CDH13: variants seen among roughly 807,000 people sequenced by gnomAD.
CDH13 encodes the protein cadherin-13.
In CDH13, 24 loss-of-function variants were observed where a neutral mutation model predicts 63.8. That is an observed-to-expected ratio of 0.38 (90% confidence interval 0.27 to 0.53). CDH13 has a LOEUF of 0.53. Ranked by LOEUF, CDH13 falls within the 20% of genes least tolerant of loss-of-function variation. The probability of loss-of-function intolerance (pLI) is 0.85; values close to 1 mark genes in which losing one functional copy is unlikely to be tolerated. For synonymous variants in CDH13, 503 were observed against 355.3 expected (o/e 1.42, Z -4.67); for missense variants, 1,049 against 903.1 (o/e 1.16, Z -2.07).
At chr16:83,189,004 C>A (rs1018027114) in intron 4 of CDH13, among the ~76,000 whole-genome samples, 1 of 152,168 alleles carries the variant, frequency 6.6e-6, no homozygotes, top group African/African-American at 2.4e-5. Context: ...TCACTGACAT[C>A]TACTCATCCT....
At chr16:83,114,875 G>A (rs979493770) in intron 3 of CDH13, among the ~76,000 whole-genome samples, 1 of 152,206 alleles carries the variant, frequency 6.6e-6, no homozygotes, top group Non-Finnish European at 1.5e-5. Flanking sequence ...GCACAGAACT[G>A]TCCTCCTAGC....
chr16:83,239,008 A>G (rs146637006), intron 5 of CDH13, among the ~76,000 whole-genome samples: 2 of 152,178 alleles, frequency 1.3e-5, no homozygotes, highest in Non-Finnish European at 2.9e-5. Context: ...AGTGCCTTGC[A>G]TGTGCTGTTA....
intron 2 of CDH13, chr16:82,858,784 C>T (rs1361405458): frequency 7.3e-6 from 3 of 413,446 alleles, no homozygotes; most frequent in Non-Finnish European, 8.6e-6. Context: ...TTCATTTCCC[C>T]TGGGCAGATC....
intron 2 of CDH13, among the ~76,000 whole-genome samples, chr16:82,980,066 C>T (rs1009528751): frequency 3.3e-5 from 5 of 149,932 alleles, no homozygotes; most frequent in Admixed American, 1.3e-4. Flanking sequence ...ATGGCACCAC[C>T]CCCAGGGGCT....
At chr16:83,554,546 T>C (rs754444489) in intron 7 of CDH13, among the ~76,000 whole-genome samples, 9 of 152,078 alleles carry the variant, frequency 5.9e-5, no homozygotes, top group Non-Finnish European at 1.0e-4. Context: ...TAATAATCAA[T>C]TTAAAACCCT....
intron 8 of CDH13, among the ~76,000 whole-genome samples, chr16:83,616,539 C>T (rs1222999388): frequency 1.3e-5 from 2 of 152,058 alleles, no homozygotes; most frequent in East Asian, 1.9e-4. Flanking sequence ...CCTCTGAAGA[C>T]TTCATCCACC....
At chr16:82,885,525 A>G (rs184599518) in intron 2 of CDH13, among the ~76,000 whole-genome samples, 82 of 149,748 alleles carry the variant, frequency 5.5e-4, no homozygotes, top group African/African-American at 2.0e-3. Flanking sequence ...CCATTCATCC[A>G]TCCATCCATC....
chr16:83,152,010 C>CA (rs11345254), intron 4 of CDH13, among the ~76,000 whole-genome samples: 2,361 of 137,888 alleles, frequency 0.017, 68 homozygotes, highest in African/African-American at 0.057. Context: ...GCAAGACAAA[C>CA]AAAAAAAAAA....
chr16:82,676,672 GT>G (rs943894287), intron 1 of CDH13, among the ~76,000 whole-genome samples: 2 of 151,178 alleles, frequency 1.3e-5, no homozygotes, highest in African/African-American at 4.9e-5. Flanking sequence ...CCTGCCGTTG[GT>G]TTTTTTTATG....
At chr16:82,948,583 C>G (rs1322270104) in intron 2 of CDH13, among the ~76,000 whole-genome samples, 1 of 152,148 alleles carries the variant, frequency 6.6e-6, no homozygotes, top group African/African-American at 2.4e-5. Flanking sequence ...AGGAAGAGTT[C>G]TTCAACCAAC....
intron 7 of CDH13, among the ~76,000 whole-genome samples, chr16:83,569,190 C>T (rs1383183827): frequency 1.3e-5 from 2 of 152,140 alleles, no homozygotes; most frequent in African/African-American, 4.8e-5. Flanking sequence ...TGCACTCTTT[C>T]CTTCCCTCGT....
chr16:83,343,387 G>T (rs1195693382), intron 5 of CDH13, among the ~76,000 whole-genome samples: 1 of 152,154 alleles, frequency 6.6e-6, no homozygotes, highest in Non-Finnish European at 1.5e-5. Flanking sequence ...CCCTTCCACT[G>T]GATGTTCAGG....
At chr16:83,471,565 C>T (rs909558372) in intron 6 of CDH13, among the ~76,000 whole-genome samples, 2 of 152,190 alleles carry the variant, frequency 1.3e-5, no homozygotes, top group Non-Finnish European at 2.9e-5. Flanking sequence ...TGAGCCACCT[C>T]GCCTGGCCTT....
chr16:82,901,810 C>T lies in CDH13; in HGVS notation c.157+43337C>T, dbSNP rs1305829056. On this transcript the variant is annotated intron_variant, in intron 2 of 13. Coordinates refer to ENST00000567109, the MANE Select transcript of CDH13 (RefSeq NM_001257.5). ...CAAAACAAAAGACAAAGGTCTTGCC[C>T]TCATGGAGCCTGAAGTCCAGTGAGG... Among the ~76,000 whole-genome samples the T allele has an allele frequency of 2.6e-5, 4 of 152,300 alleles. No homozygotes were observed. In the East Asian group the frequency reaches 7.7e-4, roughly 29 times the overall value.
At chr16:83,790,796 A>G (rs902565339) in intron 13 of CDH13, among the ~76,000 whole-genome samples, 3 of 152,226 alleles carry the variant, frequency 2.0e-5, no homozygotes, top group Non-Finnish European at 4.4e-5. Context: ...CGGCATTGCC[A>G]TTAAGCTGTT....
Position 82,689,747 on chromosome 16 carries a change from A to G in CDH13, c.45+62610A>G, listed in dbSNP as rs190412614. On this transcript the variant is annotated intron_variant, in intron 1 of 13. Transcript: ENST00000567109. ...CAGGCCTCACATTTACATTCTGGAC[A>G]AACTGGGCTGTCTGCTTGAAAGGGC... Among the ~76,000 whole-genome samples the G allele has an allele frequency of 2.0e-5, 3 of 152,186 alleles. No individual in the cohort carries two copies. In the East Asian group the frequency reaches 5.8e-4, roughly 30 times the overall value.
At chr16:83,102,535 C>T (rs1181984003) in intron 3 of CDH13, among the ~76,000 whole-genome samples, 1 of 152,002 alleles carries the variant, frequency 6.6e-6, no homozygotes, top group African/African-American at 2.4e-5. Flanking sequence ...ACACTGTAAC[C>T]CGGAACAAGG....
chr16:83,071,278 T>C lies in CDH13; in HGVS notation c.366+39060T>C, dbSNP rs76757825. On this transcript the variant is annotated intron_variant, in intron 3 of 13. Transcript: ENST00000567109. The stretch of plus-strand genomic sequence containing the variant: ...TAAGCAAAAGCCTCCTTCAGCAGCG[T>C]ATTATTTAATCCTCACATAACCCTG... 2.2e-3 allele frequency among the ~76,000 whole-genome samples: 334 copies of C among 152,290 alleles called. 2 individuals carry two copies. Among genetic ancestry groups the C allele is most frequent in the African/African-American group, 7.5e-3 (310 of 41,570 alleles).
chr16:82,854,417 A>AAAT (rs35399769), intron 1 of CDH13, among the ~76,000 whole-genome samples: 1 of 150,758 alleles, frequency 6.6e-6, no homozygotes, highest in African/African-American at 2.4e-5. Context: ...AAAAAAAAAA[A>AAAT]CAGTAAAAAG....
Sources: allele counts gnomAD v4.1 joint callset (sites outside exome capture counted in the v4.1 genomes callset), GRCh38; gene constraint gnomAD v4.1.1; transcripts MANE v1.5; gene names NCBI Gene and HGNC (gene_info 2026-07-23, HGNC 2026-07-21).